The following TMEM131L variants were observed in gnomAD, a reference collection of about 807,000 sequenced individuals.
TMEM131L encodes the protein transmembrane 131 like.
TMEM131L carries 54 observed loss-of-function variants against 192.2 expected under a neutral mutation model. That is an observed-to-expected ratio of 0.28 (90% CI 0.23 to 0.35). The LOEUF is 0.35. TMEM131L is among the 10% of genes least tolerant of loss of function. The pLI is 1.00. For synonymous variants in TMEM131L, 701 were observed against 704.9 expected (o/e 0.99, Z 0.09); for missense variants, 1,888 against 1,972.9 (o/e 0.96, Z 0.82).
chr4:153,549,324 C>T (rs1035023778), intron 3 of TMEM131L, among the ~76,000 whole-genome samples: 1 of 152,072 alleles, frequency 6.6e-6, no homozygotes, highest in Non-Finnish European at 1.5e-5. Context: ...GTTCGTATTA[C>T]CTTTAGGAGC....
chr4:153,559,605 C>T (rs1017607803), intron 7 of TMEM131L, among the ~76,000 whole-genome samples: 4 of 152,142 alleles, frequency 2.6e-5, no homozygotes, highest in African/African-American at 7.2e-5. Flanking sequence ...TACCCATTCT[C>T]TCATCCCCCT....
intron 3 of TMEM131L, among the ~76,000 whole-genome samples, chr4:153,478,595 C>G (rs1731711722): frequency 6.6e-6 from 1 of 152,094 alleles, no homozygotes; most frequent in Admixed American, 6.5e-5. Flanking sequence ...TAGTTTTTCC[C>G]TAATGTTCTT....
rs774119161 is a variant in TMEM131L at position 153,566,137 on chromosome 4, C to CTT, written c.660+7783_660+7784dup. On this transcript the variant is annotated intron_variant, in intron 7 of 34. Transcript: ENST00000409959. ...TGTGATTATAAGACAATGTGGGAAACTTTTTTTTTTTTTTTGAGACAAGAG... is the reference window on the plus strand; with the variant it reads ...TGTGATTATAAGACAATGTGGGAAACTTTTTTTTTTTTTTTTTGAGACAAGAG... Among the ~76,000 whole-genome samples the CTT allele has an allele frequency of 1.2e-3, 176 of 142,810 alleles. 1 individual carries two copies. The highest frequency in any genetic ancestry group is 4.1e-3 in the African/African-American group (161 of 39,150). 93.7% of individuals were successfully genotyped at this position (142,810 alleles called of 152,430 possible).
intron 3 of TMEM131L, among the ~76,000 whole-genome samples, chr4:153,530,364 T>C (rs1256870652): frequency 6.6e-6 from 1 of 152,100 alleles, no homozygotes; most frequent in Non-Finnish European, 1.5e-5. Flanking sequence ...ATGAGCTAAA[T>C]CAAAGAATAA....
chr4:153,534,955 G>T (rs1462599403), intron 3 of TMEM131L, among the ~76,000 whole-genome samples: 3 of 152,234 alleles, frequency 2.0e-5, no homozygotes, highest in Non-Finnish European at 4.4e-5. Flanking sequence ...AGAGCACAGC[G>T]TGAGGCCTTG....
intron 7 of TMEM131L, among the ~76,000 whole-genome samples, chr4:153,569,789 C>G (rs1729461266): frequency 6.6e-6 from 1 of 152,212 alleles, no homozygotes; most frequent in African/African-American, 2.4e-5. Flanking sequence ...GAACTAGTCT[C>G]TGGCACATAG....
chr4:153,547,929 C>T (rs1339443812), intron 3 of TMEM131L, among the ~76,000 whole-genome samples: 1 of 152,182 alleles, frequency 6.6e-6, no homozygotes, highest in Non-Finnish European at 1.5e-5. Context: ...TTTCAGTGCA[C>T]AAGACAGGAA....
intron 3 of TMEM131L, among the ~76,000 whole-genome samples, chr4:153,519,430 C>T (rs1734956404): frequency 6.6e-6 from 1 of 152,164 alleles, no homozygotes; most frequent in African/African-American, 2.4e-5. Context: ...AAGTGTTACT[C>T]AAACTTTAGG....
intron 3 of TMEM131L, among the ~76,000 whole-genome samples, chr4:153,492,770 T>A (rs906271292): frequency 3.9e-5 from 6 of 152,190 alleles, no homozygotes; most frequent in Non-Finnish European, 8.8e-5. Flanking sequence ...GGTGTTTTTT[T>A]TAACTTATAT....
chr4:153,503,923 T>G (rs2150013496), intron 3 of TMEM131L, among the ~76,000 whole-genome samples: 1 of 152,358 alleles, frequency 6.6e-6, no homozygotes, highest in Non-Finnish European at 1.5e-5. Context: ...ATTGAAGCCT[T>G]TGCTTTTAAA....
Position 153,604,257 on chromosome 4 carries a change from C to T in TMEM131L, c.3245C>T (p.Thr1082Ile), listed in dbSNP as rs767731296. The T allele has an allele frequency of 6.2e-7, 1 of 1,613,900 alleles. No individual in the cohort carries two copies. The highest frequency in any genetic ancestry group is 1.1e-5 in the South Asian group (1 of 91,088). Residue 1082 changes from threonine (T) to isoleucine (I), a missense_variant, in exon 25 of 35, where the codon ACA (threonine) becomes ATA (isoleucine). Coordinates refer to ENST00000409959, the MANE Select transcript of TMEM131L (RefSeq NM_001131007.2). ...SECSMKEGIQ[T>I]CMFPKETDIK... ...TGTAGTATGAAGGAGGGAATACAGA[C>T]ATGTATGTTTCCTAAGGAAACTGAC...
chr4:153,596,300 C>T lies in TMEM131L; in HGVS notation c.2038C>T (p.His680Tyr), dbSNP rs758373376. ...ATCCAGGTTTGGCATCCTCCACTTA[C>T]ATCTGCAGCCTTTGGAAATGAAAAG... ...EESRFGILHL[H>Y]LQPLEMKRVG... Residue 680 changes from histidine (H) to tyrosine (Y), a missense_variant, in exon 20 of 35, where the codon CAT (histidine) becomes TAT (tyrosine). Physicochemically the swap from His to Tyr is moderately conservative, Grantham distance 83 (BLOSUM62 2). Transcript: ENST00000409959. The T allele has an allele frequency of 9.3e-6, 15 of 1,613,888 alleles. No homozygotes were observed. The highest frequency in any genetic ancestry group is 2.2e-5 in the East Asian group (1 of 44,894).
intron 4 of TMEM131L, among the ~76,000 whole-genome samples, chr4:153,551,972 C>T (rs539942281): frequency 2.3e-4 from 35 of 151,756 alleles, no homozygotes; most frequent in African/African-American, 5.8e-4. Flanking sequence ...ACTCTGGGAG[C>T]CCGGGCTGGG....
At chr4:153,474,063 T>G (rs946043498) in intron 3 of TMEM131L, among the ~76,000 whole-genome samples, 175 bp downstream of exon 3, 1 of 151,930 alleles carries the variant, frequency 6.6e-6, no homozygotes, top group Admixed American at 6.5e-5. Flanking sequence ...GATTTTGTTT[T>G]AAAATAAGGT....
chr4:153,611,384 T>C (rs565876105), intron 25 of TMEM131L, among the ~76,000 whole-genome samples: 1 of 152,374 alleles, frequency 6.6e-6, no homozygotes, highest in African/African-American at 2.4e-5. Context: ...GTAAAACTAA[T>C]TAGTGGCTGT....
At chr4:153,593,942 AT>A in intron 19 of TMEM131L, 71 bp downstream of exon 19, 1 of 986,386 alleles carries the variant, frequency 1.0e-6, no homozygotes, top group Non-Finnish European at 1.6e-6. Flanking sequence ...GGCCTCATTG[AT>A]TTATGTTTAA....
chr4:153,581,429 A>C lies in TMEM131L; in HGVS notation c.761A>C (p.Asp254Ala). The change falls in exon 9 of 35, where the codon GAT becomes GCT. Residue 254 changes from aspartate (D) to alanine (A), a missense_variant. Transcript: ENST00000409959. The stretch of plus-strand genomic sequence containing the variant: ...TAGGGTTGTTATCTGGAATCTGATG[A>C]TGTTTTGCGTCTACAAATGAGCATA... The part of the protein sequence containing the change: ...QLKGCYLESD[D>A]VLRLQMSIMV... The C allele has an allele frequency of 1.3e-6, 2 of 1,569,800 alleles. No homozygotes were observed. Among genetic ancestry groups the C allele is most frequent in the Non-Finnish European group, 1.7e-6 (2 of 1,157,206 alleles).
intron 7 of TMEM131L, among the ~76,000 whole-genome samples, chr4:153,568,933 C>G (rs1729405167): frequency 6.6e-6 from 1 of 152,216 alleles, no homozygotes; most frequent in Admixed American, 6.5e-5. Context: ...TCCTTCTCCC[C>G]TAGGGTAGAC....
chr4:153,503,187 A>C (rs934611744), intron 3 of TMEM131L, among the ~76,000 whole-genome samples: 6 of 152,248 alleles, frequency 3.9e-5, no homozygotes, highest in African/African-American at 1.4e-4. Context: ...AACACTTAGC[A>C]AATGCACATG....
Sources: allele counts gnomAD v4.1 joint callset (sites outside exome capture counted in the v4.1 genomes callset), GRCh38; gene constraint gnomAD v4.1.1; transcripts MANE v1.5; gene names NCBI Gene and HGNC (gene_info 2026-07-23, HGNC 2026-07-21).